SLC12A6: variants seen among roughly 807,000 people sequenced by gnomAD.
The protein encoded by SLC12A6 is K-Cl cotransporter 3.
In SLC12A6, 66 loss-of-function variants were observed where a neutral mutation model predicts 135.3. The ratio of observed to expected loss-of-function variants is 0.49; its 90% confidence interval spans 0.40 to 0.60. SLC12A6 has a LOEUF of 0.60. SLC12A6 is among the 20% of genes least tolerant of loss of function. The probability of loss-of-function intolerance (pLI) is 0.00; values close to 1 mark genes in which losing one functional copy is unlikely to be tolerated. For missense variants in SLC12A6, 1,058 were observed against 1,452.3 expected (o/e 0.73, Z 4.41); for synonymous variants, 513 against 508.8 (o/e 1.01, Z -0.11).
chr15:34,255,193 T>C, intron 8 of SLC12A6, 69 bp downstream of exon 8: 3 of 1,265,538 alleles, frequency 2.4e-6, no homozygotes, highest in Non-Finnish European at 3.5e-6. Flanking sequence ...TCAGAAGCTT[T>C]CATAGCAAAG....
chr15:34,281,124 G>C (rs892123027), intron 2 of SLC12A6, among the ~76,000 whole-genome samples: 1 of 152,104 alleles, frequency 6.6e-6, no homozygotes, highest in Non-Finnish European at 1.5e-5. Flanking sequence ...AGTAAGTCTA[G>C]TATTCTACAC....
intron 3 of SLC12A6, among the ~76,000 whole-genome samples, chr15:34,266,516 A>C (rs1893533956): frequency 6.6e-6 from 1 of 152,116 alleles, no homozygotes; most frequent in African/African-American, 2.4e-5. Flanking sequence ...ATCACAGCTC[A>C]CTGCAGCCTC....
intron 16 of SLC12A6, among the ~76,000 whole-genome samples, chr15:34,242,785 C>T (rs1358724504): frequency 2.0e-5 from 3 of 152,074 alleles, no homozygotes; most frequent in African/African-American, 7.2e-5. Context: ...AATCCCAGCA[C>T]TTTGGGAGGC....
intron 17 of SLC12A6, 127 bp from the exon 18 acceptor site, chr15:34,241,464 G>A (rs1044613400): frequency 1.5e-6 from 1 of 658,556 alleles, no homozygotes. Flanking sequence ...TCAGATTAAT[G>A]ATTTACATAA....
rs1318935917 is a variant in SLC12A6 at position 34,230,068 on chromosome 15, TA to T, written c.*3812del. The T allele has an allele frequency of 1.2e-5, 5 of 425,574 alleles. No individual in the cohort carries two copies. Among genetic ancestry groups the T allele is most frequent in the Non-Finnish European group, 2.1e-5 (5 of 240,978 alleles). The allele number at this position is 425,574 out of a possible 1,614,324, so 26.4% of individuals were successfully genotyped here. A position where few individuals can be genotyped will look rare whatever the true frequency, so the allele number is the denominator to read the frequency against. On this transcript the variant is annotated 3_prime_UTR_variant, in exon 26 of 26. Transcript: ENST00000354181. ...ACAACAACAAAAAAACATAACTATG[TA>T]AACAAGAGAATAACTGCTGCTAAAT...
rs1057516262 is a variant in SLC12A6, at chr15:34,237,544, G to A, written c.2809C>T (p.Arg937Ter). The change falls in exon 22 of 26, where the codon CGA becomes TGA. Residue 937 changes from arginine to a stop codon, truncating the protein, a stop_gained. Transcript: ENST00000354181. LOFTEE classifies it high-confidence loss of function. ...PFLLKQHKVWRKCSIRIFTVA... is the reference protein window; with the variant it reads ...PFLLKQHKVW The stretch of plus-strand genomic sequence containing the variant: ...GTGAAGATCCGTATGCTGCACTTTC[G>A]CCACACCTGAGAGAGTGACATACAC... The A allele has an allele frequency of 3.7e-6, 6 of 1,611,398 alleles. No individual in the cohort carries two copies. Among genetic ancestry groups the A allele is most frequent in the Admixed American group, 3.3e-5 (2 of 59,946 alleles).
At chr15:34,259,315 T>C (rs113157269) in intron 4 of SLC12A6, among the ~76,000 whole-genome samples, 2,705 of 147,934 alleles carry the variant, frequency 0.018, 93 homozygotes, top group African/African-American at 0.065. Flanking sequence ...CGCTCCAGCC[T>C]GGGCAACAGA....
chr15:34,336,826 C>A, intron 1 of SLC12A6, 74 bp from the exon 2 acceptor site: 1 of 699,518 alleles, frequency 1.4e-6, no homozygotes, highest in East Asian at 2.7e-5. Context: ...AAAGCCCCAA[C>A]TAAGAATACT....
intron 9 of SLC12A6, among the ~76,000 whole-genome samples, chr15:34,253,565 C>CA (rs1486520083): frequency 3.3e-5 from 5 of 152,200 alleles, no homozygotes; most frequent in Admixed American, 3.3e-4. Context: ...CTTGCTCTGC[C>CA]ATTAATTAAC....
chr15:34,249,558 C>T (rs1191210557), intron 13 of SLC12A6, among the ~76,000 whole-genome samples: 1 of 151,976 alleles, frequency 6.6e-6, no homozygotes, highest in Non-Finnish European at 1.5e-5. Flanking sequence ...CAGAGCAAGA[C>T]CTTGTCTCTA....
At chr15:34,285,717 T>TATACACACACACACA (rs144158165) in intron 2 of SLC12A6, among the ~76,000 whole-genome samples, 3 of 131,106 alleles carry the variant, frequency 2.3e-5, no homozygotes, top group Non-Finnish European at 3.2e-5. Context: ...TGTGTGTTTG[T>TATACACACACACACA]CATACATAAA....
At chr15:34,251,300 T>C (rs1892376556) in intron 10 of SLC12A6, among the ~76,000 whole-genome samples, 4 of 152,002 alleles carry the variant, frequency 2.6e-5, no homozygotes, top group African/African-American at 9.7e-5. Flanking sequence ...CAGGCTGGAG[T>C]GCAGTGGCAC....
chr15:34,317,695 T>C (rs1369587316), intron 2 of SLC12A6, among the ~76,000 whole-genome samples: 1 of 152,058 alleles, frequency 6.6e-6, no homozygotes, highest in Non-Finnish European at 1.5e-5. Context: ...AGAGAAAGAC[T>C]CCATCTCCAA....
At chr15:34,276,737 C>T (rs1419440582) in intron 2 of SLC12A6, among the ~76,000 whole-genome samples, 1 of 152,122 alleles carries the variant, frequency 6.6e-6, no homozygotes, top group Admixed American at 6.5e-5. Flanking sequence ...ATAAAAGTAC[C>T]TTTGATTTTG....
chr15:34,268,900 A>C lies in SLC12A6; in HGVS notation c.316+6445T>G, dbSNP rs1893711627. On this transcript the variant is annotated intron_variant, in intron 3 of 25. Coordinates refer to ENST00000354181, the MANE Select transcript of SLC12A6 (RefSeq NM_001365088.1). ...GAGACGGAGTCTTGCTCTGTTGCCC[A>C]GTCTGCAGTGCAGTGGCACAATCTC... 2.0e-5 allele frequency among the ~76,000 whole-genome samples: 3 copies of C among 150,112 alleles called. No homozygotes were observed. In the South Asian group the frequency reaches 6.3e-4, roughly 31 times the overall value.
chr15:34,316,395 G>C (rs1464705817), intron 2 of SLC12A6, among the ~76,000 whole-genome samples: 1 of 151,746 alleles, frequency 6.6e-6, no homozygotes, highest in African/African-American at 2.4e-5. Flanking sequence ...TTACTCCTAG[G>C]TTTAAAAAAA....
chr15:34,274,037 A>G (rs567910503), intron 3 of SLC12A6, among the ~76,000 whole-genome samples: 146 of 152,354 alleles, frequency 9.6e-4, no homozygotes, highest in African/African-American at 3.3e-3. Flanking sequence ...TGATATATCT[A>G]TCTTATATAC....
Position 34,251,067 on chromosome 15 carries a change from G to GA in SLC12A6, c.1334-11dup. 1 of 1,576,334 alleles carries GA rather than the reference G, an allele frequency of 6.3e-7. No individual in the cohort carries two copies. Among genetic ancestry groups the GA allele is most frequent in the East Asian group, 2.2e-5 (1 of 44,532 alleles). On this transcript the variant is annotated splice_polypyrimidine_tract_variant and intron_variant, in intron 10 of 25. Transcript: ENST00000354181. ...TTACTCCAAAGATTCTCTGCAGTGG[G>GA]AAAAATGGGAATTTAAGCAGCAGCA...
chr15:34,336,369 C>G lies in SLC12A6; in HGVS notation c.271+41G>C, dbSNP rs347836. On this transcript the variant is annotated intron_variant, in intron 2 of 25. Coordinates refer to ENST00000354181, the MANE Select transcript of SLC12A6 (RefSeq NM_001365088.1). Reference sequence around the variant, plus strand: ...ATAGATGGTCATCTTGGATAAAGAACCCAGTAATGAAAGTATGCTGCGGTC... The same window carrying G: ...ATAGATGGTCATCTTGGATAAAGAAGCCAGTAATGAAAGTATGCTGCGGTC... 557,110 of 1,505,846 alleles carry G rather than the reference C, an allele frequency of 0.37. 109,992 individuals are homozygous for G. Among genetic ancestry groups the G allele is most frequent in the African/African-American group, 0.74 (53,748 of 72,264 alleles). 93.3% of individuals were successfully genotyped at this position (1,505,846 alleles called of 1,614,324 possible). A position where few individuals can be genotyped will look rare whatever the true frequency, so the allele number is the denominator to read the frequency against.
Sources: allele counts gnomAD v4.1 joint callset (sites outside exome capture counted in the v4.1 genomes callset), GRCh38; gene constraint gnomAD v4.1.1; transcripts MANE v1.5; gene names NCBI Gene and HGNC (gene_info 2026-07-23, HGNC 2026-07-21).